LLGL2: variants seen among roughly 807,000 people sequenced by gnomAD.
LLGL2 encodes the protein LLGL2, scribble cell polarity complex component.
Under a neutral mutation model 123.2 loss-of-function variants are expected in LLGL2, and 81 were observed. The ratio of observed to expected loss-of-function variants is 0.66; its 90% CI spans 0.55 to 0.79. LLGL2 has a LOEUF of 0.79. Ranked by LOEUF, LLGL2 falls within the 30% of genes least tolerant of loss-of-function variation. The pLI, the probability that LLGL2 is intolerant of heterozygous loss-of-function variation, is 0.00. For synonymous variants in LLGL2, 577 were observed against 594.1 expected, an observed-to-expected ratio of 0.97 and a Z score of 0.42; for missense variants, 1,273 against 1,414.6, an observed-to-expected ratio of 0.90 and a Z score of 1.61.
intron 15 of LLGL2, 43 bp downstream of exon 15, chr17:75,570,298 G>T (rs181177138): frequency 2.5e-6 from 4 of 1,600,120 alleles, no homozygotes; most frequent in African/African-American, 1.3e-5. Context: ...AGTGGGGCCC[G>T]CGAGGACTCC....
chr17:75,526,666 C>G (rs1374245209), intron 1 of LLGL2, among the ~76,000 whole-genome samples: 4 of 152,120 alleles, frequency 2.6e-5, no homozygotes, highest in Non-Finnish European at 4.4e-5. Context: ...CGACTGCCGG[C>G]AGCCTTAACC....
chr17:75,550,579 G>A (rs896423062), intron 2 of LLGL2, among the ~76,000 whole-genome samples: 2 of 152,078 alleles, frequency 1.3e-5, no homozygotes, highest in African/African-American at 4.8e-5. Context: ...GAGTCCAGGA[G>A]TTCGAGACCA....
chr17:75,541,248 A>G (rs2054193267), intron 1 of LLGL2, among the ~76,000 whole-genome samples: 1 of 152,188 alleles, frequency 6.6e-6, no homozygotes, highest in Admixed American at 6.5e-5. Context: ...GTCTGCAGGC[A>G]GTGGTCACTC....
chr17:75,571,959 C>T lies in LLGL2; in HGVS notation c.2355C>T (p.His785=), dbSNP rs965733998. Residue 785 remains histidine (H), a synonymous_variant, in exon 19 of 26, where the codon CAC becomes CAT. Transcript: ENST00000392550. ...TGGGCATCCTGGTGCTCGACGGACA[C>T]AGCGTACCCCTTCCCGAGCCCCTCG... ...PVVGILVLDG[H]SVPLPEPLEV... is the part of the protein sequence containing the mutation. 2 of 1,612,778 alleles carry T rather than the reference C, an allele frequency of 1.2e-6. No individual in the cohort carries two copies. Among genetic ancestry groups the T allele is most frequent in the African/African-American group, 2.7e-5 (2 of 74,900 alleles).
chr17:75,566,627 T>G (rs185269102), intron 10 of LLGL2, among the ~76,000 whole-genome samples: 1 of 152,176 alleles, frequency 6.6e-6, no homozygotes, highest in Non-Finnish European at 1.5e-5. Context: ...TTGACAGGAA[T>G]AGGCAGGAGG....
rs372940306 is a variant in LLGL2, at chr17:75,560,802, TAAAAAAAAAAAAAAA to T, written c.530+1408_530+1422del. Among the ~76,000 whole-genome samples the T allele has an allele frequency of 9.1e-3, 874 of 96,132 alleles. 19 individuals carry two copies. The highest frequency in any genetic ancestry group is 0.025 in the African/African-American group (750 of 30,540). 63.1% of individuals were successfully genotyped at this position (96,132 alleles called of 152,430 possible). On this transcript the variant is annotated intron_variant, in intron 6 of 25. Coordinates refer to ENST00000392550, the MANE Select transcript of LLGL2 (RefSeq NM_001031803.2). ...CGCCTGGCCCAGTTTGTTTATTTATTAAAAAAAAAAAAAAAAAAAAAAAAAAAAAACAAAGAAAAA... is the reference window on the plus strand; with the variant it reads ...CGCCTGGCCCAGTTTGTTTATTTATTAAAAAAAAAAAAAAACAAAGAAAAA...
At chr17:75,561,737 A>G (rs1040584388) in intron 6 of LLGL2, among the ~76,000 whole-genome samples, 10 of 152,166 alleles carry the variant, frequency 6.6e-5, no homozygotes, top group Admixed American at 1.3e-4. Context: ...CTTGGGCAAC[A>G]TGGCGAAACC....
At chr17:75,543,572 C>G in intron 2 of LLGL2, 71 bp downstream of exon 2, 1 of 1,257,798 alleles carries the variant, frequency 8.0e-7, no homozygotes, top group Non-Finnish European at 1.1e-6. Context: ...GGCTGAGGCA[C>G]CTCTTACCTG....
chr17:75,532,081 T>TACACACACAC (rs1568015954), intron 1 of LLGL2, among the ~76,000 whole-genome samples: 6 of 29,466 alleles, frequency 2.0e-4, no homozygotes, highest in Admixed American at 4.4e-4. Context: ...CACACACTTT[T>TACACACACAC]TTTTTTTTTT....
chr17:75,532,150 G>A (rs886400913), intron 1 of LLGL2, among the ~76,000 whole-genome samples: 3 of 141,204 alleles, frequency 2.1e-5, no homozygotes, highest in Admixed American at 7.7e-5. Flanking sequence ...GCATGATTTC[G>A]GCTCACTGCA....
intron 23 of LLGL2, 22 bp from the exon 24 acceptor site, chr17:75,574,431 T>C: frequency 6.5e-7 from 1 of 1,548,424 alleles, no homozygotes. Flanking sequence ...TCAGTGGGCC[T>C]CTGTTCCCAC....
intron 20 of LLGL2, 57 bp downstream of exon 20, chr17:75,573,335 G>A (rs2055814385): frequency 2.6e-6 from 4 of 1,560,128 alleles, no homozygotes; most frequent in South Asian, 2.4e-5. Flanking sequence ...GGACGGGAAG[G>A]GTGGCCAGGG....
At chr17:75,569,819 A>G in intron 14 of LLGL2, 144 bp from the exon 15 acceptor site, 2 of 747,644 alleles carry the variant, frequency 2.7e-6, no homozygotes, top group East Asian at 5.7e-5. Context: ...AAAAAAAAAA[A>G]TGCAGGAGAG....
At position 75,545,502 on chromosome 17, in the gene LLGL2, A is replaced by C. The variant is rs140513267; in HGVS notation, c.75+2001A>C. On this transcript the variant is annotated intron_variant, in intron 2 of 25. Coordinates refer to ENST00000392550, the MANE Select transcript of LLGL2 (RefSeq NM_001031803.2). ...GGGGATTCAGGAGCGGGGTAGACTC[A>C]TCCGGCTCGGGGAGTGTGGTGGGGC... is the stretch of plus-strand genomic sequence containing the variant. 4.3e-3 allele frequency among the ~76,000 whole-genome samples: 649 copies of C among 152,114 alleles called. 6 individuals are homozygous for C. The highest frequency in any genetic ancestry group is 0.015 in the African/African-American group (618 of 41,502).
intron 1 of LLGL2, among the ~76,000 whole-genome samples, chr17:75,529,104 C>T (rs2053680176): frequency 6.6e-6 from 1 of 151,060 alleles, no homozygotes; most frequent in East Asian, 2.0e-4. Flanking sequence ...TGCAGTGAGC[C>T]GAGATCGTGC....
chr17:75,537,422 G>A (rs544321281), intron 1 of LLGL2, among the ~76,000 whole-genome samples: 87 of 152,198 alleles, frequency 5.7e-4, no homozygotes, highest in African/African-American at 1.9e-3. Context: ...GGCTGGGTGC[G>A]GTGGCTCACG....
chr17:75,542,695 C>A (rs7502603), intron 1 of LLGL2: 124,825 of 152,298 alleles, frequency 0.82, 51,546 homozygotes, highest in Non-Finnish European at 0.88. Context: ...AGCCCATGAG[C>A]GCACAGGGAA....
chr17:75,574,303 G>GGGGGGGGGGGGGGGC, intron 23 of LLGL2, 43 bp downstream of exon 23: 1 of 513,414 alleles, frequency 1.9e-6, no homozygotes, highest in Non-Finnish European at 3.5e-6. Context: ...GAGGGGTGGG[G>GGGGGGGGGGGGGGGC]AAGGGGGGTC....
At chr17:75,573,825 A>G in intron 21 of LLGL2, 127 bp from the exon 22 acceptor site, 1 of 1,285,262 alleles carries the variant, frequency 7.8e-7, no homozygotes, top group Non-Finnish European at 1.1e-6. Context: ...GGCAGGACTC[A>G]GTTTACCTCC....
Sources: gnomAD v4.1 joint callset for allele counts (sites outside exome capture counted in the v4.1 genomes callset) on GRCh38, gnomAD v4.1.1 for gene constraint, MANE v1.5 for transcripts, NCBI Gene and HGNC (gene_info 2026-07-23, HGNC 2026-07-21) for gene names.